Variants in AP1G2 observed in about 807,000 individuals in gnomAD.
AP1G2 encodes the protein AP-1 complex subunit gamma-like 2.
A neutral mutation model predicts 95.8 loss-of-function variants in AP1G2; 85 were observed. The observed-to-expected ratio is 0.89, with a 90% CI of 0.74 to 1.06. The LOEUF (loss-of-function observed/expected upper bound fraction) is 1.06, where lower values mean the gene tolerates loss of function less well. AP1G2 is among the 50% of genes least tolerant of loss of function. The probability of loss-of-function intolerance (pLI) is 0.00; values close to 1 mark genes in which losing one functional copy is unlikely to be tolerated. For missense variants in AP1G2, 967 were observed against 1,005.8 expected, an observed-to-expected ratio of 0.96 and a Z score of 0.52; for synonymous variants, 378 against 400.0, an observed-to-expected ratio of 0.94 and a Z score of 0.66.
intron 14 of AP1G2, chr14:23,562,897 G>A (rs1885795568): frequency 1.9e-6 from 1 of 514,082 alleles, no homozygotes; most frequent in Non-Finnish European, 3.2e-6. Context: ...TTGTTACCTG[G>A]CTCCCACTGC....
In AP1G2 at chr14:23,567,698, G is replaced by T; in HGVS notation, c.-6+41C>A. 1 of 1,041,106 alleles carries T rather than the reference G, an allele frequency of 9.6e-7. No homozygotes were observed. Among genetic ancestry groups the T allele is most frequent in the Non-Finnish European group, 1.2e-6 (1 of 864,812 alleles). 64.5% of individuals were successfully genotyped at this position (1,041,106 alleles called of 1,614,324 possible). A position where few individuals can be genotyped will look rare whatever the true frequency, so the allele number is the denominator to read the frequency against. On this transcript the variant is annotated intron_variant, in intron 1 of 21. Coordinates refer to ENST00000397120, the MANE Select transcript of AP1G2 (RefSeq NM_003917.5). This position sits in a 1 kb window ranked among gnomAD's most constrained non-coding sequence, Gnocchi z 5.3. ...CCGATTTCCATCTCAGGCAGCGGCA[G>T]CGGCAGCGACAGCCTGCCTACCCCA...
chr14:23,564,588 CCA>C lies in AP1G2; in HGVS notation c.893_894del (p.Met298ArgfsTer24). ...CGTAGGCCAGCTGCAGAGCGGATAT[CCA>C]TGATGGTGAGTACTGTCTCAAACAG... ...AVLFETVLTI[M>X]DIRSAAGLRV... is the part of the protein sequence containing the mutation. On this transcript the variant is annotated frameshift_variant, in exon 9 of 22. Coordinates refer to ENST00000397120, the MANE Select transcript of AP1G2 (RefSeq NM_003917.5). LOFTEE classifies it high-confidence loss of function. 2 of 1,613,492 alleles carry C rather than the reference CCA, an allele frequency of 1.2e-6. No individual in the cohort carries two copies. The highest frequency in any genetic ancestry group is 1.7e-6 in the Non-Finnish European group (2 of 1,179,966).
intron 10 of AP1G2, 74 bp from the exon 11 acceptor site, chr14:23,564,233 G>A: frequency 1.2e-6 from 2 of 1,612,630 alleles, no homozygotes; most frequent in Admixed American, 3.4e-5. Flanking sequence ...TGGGTATAGG[G>A]ATAAGATAAG....
rs753743594 is a variant in AP1G2 at position 23,560,398 on chromosome 14, CTT to C, written c.2012_2013del (p.Lys671SerfsTer3). ...AGCTGTACTCCCTCACGCTCAAACA[CTT>C]TGAGATCTGGGATGGGAGCTGGAGT... Reference protein sequence around the residue: ...PPPPAPIPDLKVFEREGVQLN... With the variant: ...PPPPAPIPDLXVFEREGVQLN... On this transcript the variant is annotated frameshift_variant, in exon 20 of 22. Transcript: ENST00000397120. LOFTEE classifies it high-confidence loss of function. The C allele has an allele frequency of 1.2e-6, 2 of 1,613,654 alleles. No homozygotes were observed. Among genetic ancestry groups the C allele is most frequent in the Middle Eastern group, 1.7e-4 (1 of 6,030 alleles).
Position 23,566,348 on chromosome 14 carries a change from T to G in AP1G2, c.401A>C (p.Glu134Ala). 1 of 1,614,020 alleles carries G rather than the reference T, an allele frequency of 6.2e-7. No individual in the cohort carries two copies. The highest frequency in any genetic ancestry group is 8.5e-7 in the Non-Finnish European group (1 of 1,180,012). ...LCTLSTMGSA[E>A]MCRDLAPEVE... is the part of the protein sequence containing the mutation. Reference sequence around the variant, plus strand: ...CTCTGGGGCCAGGTCTCGGCACATCTCAGCAGAGCCCATGGTGCTCAAAGT... The same window carrying G: ...CTCTGGGGCCAGGTCTCGGCACATCGCAGCAGAGCCCATGGTGCTCAAAGT... The change falls in exon 4 of 22, where the codon GAG becomes GCG. Residue 134 changes from glutamate (E) to alanine (A), a missense_variant. Coordinates refer to ENST00000397120, the MANE Select transcript of AP1G2 (RefSeq NM_003917.5).
At chr14:23,562,622 G>T in intron 14 of AP1G2, 29 bp from the exon 15 acceptor site, 1 of 1,603,016 alleles carries the variant, frequency 6.2e-7, no homozygotes, top group Non-Finnish European at 8.5e-7. Context: ...TGCTGGGCTG[G>T]CCAGGCATGG....
chr14:23,561,098 G>A, intron 19 of AP1G2, 198 bp downstream of exon 19: 1 of 1,318,478 alleles, frequency 7.6e-7, no homozygotes, highest in African/African-American at 1.5e-5. Flanking sequence ...GGGCCCTGTA[G>A]GCCAGGGAAA....
In AP1G2 at chr14:23,562,269, G is replaced by A. The variant is rs1885257202; in HGVS notation, c.1628+19C>T. On this transcript the variant is annotated intron_variant, in intron 16 of 21. Transcript: ENST00000397120. ...CCCAGTGACAGGCCATCTCTCAAGG[G>A]GCTGGGACCCCTTCTTACTTGTTGT... 1 of 1,613,914 alleles carries A rather than the reference G, an allele frequency of 6.2e-7. No homozygotes were observed. The highest frequency in any genetic ancestry group is 8.5e-7 in the Non-Finnish European group (1 of 1,179,886).
At chr14:23,561,265 T>C in intron 19 of AP1G2, 31 bp downstream of exon 19, 1 of 1,517,424 alleles carries the variant, frequency 6.6e-7, no homozygotes, top group Non-Finnish European at 8.8e-7. Context: ...ACCTACCTTC[T>C]CTAAGACATC....
rs375966427 is a variant in AP1G2, at chr14:23,564,070, C to G, written c.1067G>C (p.Arg356Pro). The change falls in exon 11 of 22, where the codon CGG (arginine) becomes CCG (proline). Residue 356 changes from arginine (R) to proline (P), a missense_variant. By Grantham distance (103) the Arg-to-Pro change is moderately radical (BLOSUM62 -2). Coordinates refer to ENST00000397120, the MANE Select transcript of AP1G2 (RefSeq NM_003917.5). Reference protein sequence around the residue: ...RHRPTVVECLRETDASLSRRA... With the variant: ...RHRPTVVECLPETDASLSRRA... ...CCGGCTGAGGGAGGCATCAGTTTCC[C>G]GTAGACATTCCACCACAGTGGGCCG... 2.5e-5 allele frequency: 41 copies of G among 1,614,060 alleles called. No individual in the cohort carries two copies. The highest frequency in any genetic ancestry group is 2.4e-4 in the South Asian group (22 of 91,072).
chr14:23,565,425 TG>T (rs1887369816), intron 7 of AP1G2, 180 bp downstream of exon 7: 1 of 727,048 alleles, frequency 1.4e-6, no homozygotes, highest in Admixed American at 2.8e-5. Context: ...TGTATTTTCC[TG>T]ACTTTTAGGC....
Position 23,566,091 on chromosome 14 carries a change from C to T in AP1G2, c.541G>A (p.Ala181Thr), listed in dbSNP as rs146007337. The change falls in exon 5 of 22, where the codon GCC (alanine) becomes ACC (threonine). Residue 181 changes from alanine to threonine, a missense_variant. Ala to Thr is a moderately conservative substitution (Grantham distance 58). Transcript: ENST00000397120. ...TGGTGACGCTCATGAAGCAGTTGGGCACAGGGTGGGAGGAAGACACTGGAG... is the reference window on the plus strand; with the variant it reads ...TGGTGACGCTCATGAAGCAGTTGGGTACAGGGTGGGAGGAAGACACTGGAG... ...ELSSVFLPPC[A>T]QLLHERHHGI... 9.3e-6 allele frequency: 15 copies of T among 1,613,928 alleles called. No homozygotes were observed. The East Asian group carries it at 2.7e-4, about 29-fold the overall frequency.
rs1467626969 is a variant in AP1G2 at position 23,563,521 on chromosome 14, G to A, written c.1288-19C>T. The A allele has an allele frequency of 6.2e-7, 1 of 1,614,102 alleles. No individual in the cohort carries two copies. The highest frequency in any genetic ancestry group is 8.5e-7 in the Non-Finnish European group (1 of 1,180,036). The stretch of plus-strand genomic sequence containing the variant: ...TGCCCGCCTGGAAGGTGTGGGCATG[G>A]CCAAGTCAGTGTGGTGAATCTTGAC... On this transcript the variant is annotated intron_variant, in intron 13 of 21. Coordinates refer to ENST00000397120, the MANE Select transcript of AP1G2 (RefSeq NM_003917.5).
rs774194320 is a variant in AP1G2, at chr14:23,563,430, C to G, written c.1360G>C (p.Ala454Pro). 2.5e-6 allele frequency: 4 copies of G among 1,612,240 alleles called. No homozygotes were observed. The highest frequency in any genetic ancestry group is 3.4e-6 in the Non-Finnish European group (4 of 1,179,446). ...TTGTAGAGGCGGCGCACAGAGTAGG[C>G]ATGTAGCTCCTGGGCCCCCCCAATC... ...QLIGGAQELH[A>P]YSVRRLYNAL... The change falls in exon 14 of 22, where the codon GCC becomes CCC. Residue 454 changes from alanine to proline, a missense_variant. Ala to Pro is a conservative substitution (Grantham distance 27). Coordinates refer to ENST00000397120, the MANE Select transcript of AP1G2 (RefSeq NM_003917.5).
Position 23,560,433 on chromosome 14 carries a change from CAG to C in AP1G2, c.1994-17_1994-16del. ...TGGGATGGGAGCTGGAGTAGGGAGA[CAG>C]AAGCAGCTCAGTGTGCAGGTTTGAG... On this transcript the variant is annotated splice_polypyrimidine_tract_variant and intron_variant, in intron 19 of 21. Transcript: ENST00000397120. 1 of 1,607,972 alleles carries C rather than the reference CAG, an allele frequency of 6.2e-7. No individual in the cohort carries two copies. The highest frequency in any genetic ancestry group is 8.5e-7 in the Non-Finnish European group (1 of 1,176,146).
chr14:23,563,671 T>G, intron 12 of AP1G2, 33 bp from the exon 13 acceptor site: 2 of 1,614,108 alleles, frequency 1.2e-6, no homozygotes, highest in Non-Finnish European at 1.7e-6. Context: ...GTCCTGGTAC[T>G]GACGCTCCCC....
In AP1G2 at chr14:23,559,778, T is replaced by G. The variant is rs1041194257; in HGVS notation, c.2329A>C (p.Asn777His). The G allele has an allele frequency of 1.2e-6, 2 of 1,614,112 alleles. No individual in the cohort carries two copies. Among genetic ancestry groups the G allele is most frequent in the Admixed American group, 3.3e-5 (2 of 60,016 alleles). ...HQSVQEIFEV[N>H]NLPVESWQ The stretch of plus-strand genomic sequence containing the variant: ...TGCCACGATTCCACAGGCAAGTTGT[T>G]CACCTCAAAGATCTCCTGCACCGAC... Residue 777 changes from asparagine to histidine, a missense_variant, in exon 22 of 22, where the codon AAC (asparagine) becomes CAC (histidine). By Grantham distance (68) the Asn-to-His change is moderately conservative. Coordinates refer to ENST00000397120, the MANE Select transcript of AP1G2 (RefSeq NM_003917.5).
chr14:23,562,938 G>T (rs1196026274), intron 14 of AP1G2: 3 of 664,530 alleles, frequency 4.5e-6, no homozygotes, highest in Non-Finnish European at 6.5e-6. Context: ...GAACTACATG[G>T]CCTAACCAAA....
chr14:23,562,999 C>A (rs1885871426), intron 14 of AP1G2: 1 of 1,005,330 alleles, frequency 9.9e-7, no homozygotes, highest in East Asian at 5.2e-5. Context: ...GTGGATGATG[C>A]TTTCTGCCCA....
Sources: gnomAD v4.1 joint callset for allele counts on GRCh38, gnomAD v4.1.1 for gene constraint, Gnocchi (gnomAD v3.1) non-coding constraint, MANE v1.5 for transcripts, NCBI Gene and HGNC (gene_info 2026-07-23, HGNC 2026-07-21) for gene names.